The following ABCA8 variants were observed in gnomAD, a reference collection of about 807,000 sequenced individuals.
ABCA8 encodes the protein ABC-type organic anion transporter ABCA8.
In ABCA8, 177 loss-of-function variants were observed where a neutral mutation model predicts 192.3. That is an observed-to-expected ratio of 0.92 (90% CI 0.81 to 1.04). The LOEUF (loss-of-function observed/expected upper bound fraction) is 1.04. Ranked by LOEUF, ABCA8 falls within the 50% of genes least tolerant of loss-of-function variation. ABCA8 has a pLI of 0.00. For synonymous variants in ABCA8, 642 were observed against 690.2 expected, an observed-to-expected ratio of 0.93 and a Z score of 1.09; for missense variants, 1,915 against 1,904.8, an observed-to-expected ratio of 1.01 and a Z score of -0.10.
rs370406748 is a variant in ABCA8, at chr17:68,885,072, G to A, written c.3549+124C>T. ...TCTGGGAGAAAATCAATTGGATTCC[G>A]TCAGGCAGAAATCTTTGAACCCCAT... is the stretch of plus-strand genomic sequence containing the variant. On this transcript the variant is annotated intron_variant, in intron 27 of 39. Coordinates refer to ENST00000586539, the MANE Select transcript of ABCA8 (RefSeq NM_001288985.2). 1.7e-4 allele frequency: 208 copies of A among 1,215,814 alleles called. 1 individual carries two copies. The South Asian group carries it at 2.3e-3, about 13-fold the overall frequency. The allele number at this position is 1,215,814 out of a possible 1,614,324, so 75.3% of individuals were successfully genotyped here. A position where few individuals can be genotyped will look rare whatever the true frequency, so the allele number is the denominator to read the frequency against.
chr17:68,919,152 A>G lies in ABCA8; in HGVS notation c.1788+149T>C. The G allele has an allele frequency of 4.4e-6, 3 of 686,602 alleles. No individual in the cohort carries two copies. In the East Asian group the frequency reaches 8.2e-5, roughly 19 times the overall value. 42.5% of individuals were successfully genotyped at this position (686,602 alleles called of 1,614,324 possible). On this transcript the variant is annotated intron_variant, in intron 14 of 39. Coordinates refer to ENST00000586539, the MANE Select transcript of ABCA8 (RefSeq NM_001288985.2). ...ATATGCTTGGCGCATTGTAAATTAT[A>G]TGCAATGTTAGCTATTGTTTAAATT... is the stretch of plus-strand genomic sequence containing the variant.
Position 68,911,754 on chromosome 17 carries a change from C to CACACACAA in ABCA8, c.2139-3876_2139-3875insTTGTGTGT. On this transcript the variant is annotated intron_variant, in intron 17 of 39. Transcript: ENST00000586539. This position sits in a 1 kb window ranked among gnomAD's most constrained non-coding sequence, Gnocchi z 5.7. ...CTCAATACACACACACACACACACA[C>CACACACAA]ACACACACACACACACTCCATTTGG... Among the ~76,000 whole-genome samples, 1 of 151,942 alleles carries CACACACAA rather than the reference C, an allele frequency of 6.6e-6. No homozygotes were observed. The highest frequency in any genetic ancestry group is 2.1e-4 in the South Asian group (1 of 4,820).
At chr17:68,885,149 T>C (rs1374874953) in intron 27 of ABCA8, 47 bp downstream of exon 27, 100 of 1,565,758 alleles carry the variant, frequency 6.4e-5, no homozygotes, top group Non-Finnish European at 8.5e-5. Context: ...AGCTTCACAA[T>C]TGGTCATGAG....
rs1298414709 is a variant in ABCA8, at chr17:68,875,371, C to T, written c.4520G>A (p.Ser1507Asn). 6.2e-7 allele frequency: 1 copy of T among 1,613,746 alleles called. No homozygotes were observed. The highest frequency in any genetic ancestry group is 8.5e-7 in the Non-Finnish European group (1 of 1,179,990). Reference protein sequence around the residue: ...RCIGSIQHLKSKFGKDYLLEM... With the variant: ...RCIGSIQHLKNKFGKDYLLEM... The stretch of plus-strand genomic sequence containing the variant: ...CAGCAGGTAATCTTTGCCAAATTTG[C>T]TTTTCAGGTGTTGGATGGAACCGAT... Residue 1507 changes from serine (S) to asparagine (N), a missense_variant, in exon 37 of 40, where the codon AGC becomes AAC. Transcript: ENST00000586539.
At chr17:68,872,942 T>A (rs2066103427) in intron 37 of ABCA8, among the ~76,000 whole-genome samples, 2 of 152,216 alleles carry the variant, frequency 1.3e-5, no homozygotes, top group Non-Finnish European at 2.9e-5. Context: ...GTTAAAAAAA[T>A]TTTAGAAGTT....
rs2066514485 is a variant in ABCA8 at position 68,887,901 on chromosome 17, TATATATCCA to T, written c.3145-404_3145-396del. ...TCCTCCATATATATATATATATATA[TATATATCCA>T]TATATATATATATATTATATATGGA... On this transcript the variant is annotated intron_variant, in intron 24 of 39. Coordinates refer to ENST00000586539, the MANE Select transcript of ABCA8 (RefSeq NM_001288985.2). Among the ~76,000 whole-genome samples the T allele has an allele frequency of 5.3e-5, 3 of 56,212 alleles. 1 individual carries two copies. The highest frequency in any genetic ancestry group is 1.6e-3 in the East Asian group (2 of 1,266). The allele number at this position is 56,212 out of a possible 152,430, so 36.9% of individuals were successfully genotyped here.
In ABCA8 at chr17:68,902,721, T is replaced by C. The variant is rs142528131; in HGVS notation, c.2756A>G (p.Asn919Ser). The C allele has an allele frequency of 5.0e-6, 8 of 1,612,852 alleles. No individual in the cohort carries two copies. In the African/African-American group the frequency reaches 9.3e-5, roughly 19 times the overall value. Residue 919 changes from asparagine (N) to serine (S), a missense_variant, in exon 21 of 40, where the codon AAT becomes AGT. Coordinates refer to ENST00000586539, the MANE Select transcript of ABCA8 (RefSeq NM_001288985.2). ...HDPLTQLLII[N>S]KTGASIDDFI... Reference sequence around the variant, plus strand: ...AGTATCCACCATTTTACCTGTTTTATTGATGATCAGTAGTTGAGTGAGAGG... The same window carrying C: ...AGTATCCACCATTTTACCTGTTTTACTGATGATCAGTAGTTGAGTGAGAGG...
intron 28 of ABCA8, 151 bp downstream of exon 28, chr17:68,884,180 A>T (rs946648014): frequency 3.6e-6 from 3 of 825,320 alleles, no homozygotes; most frequent in Non-Finnish European, 3.5e-6. Context: ...TTGTAAAAAT[A>T]ATTCTTCCGG....
intron 5 of ABCA8, among the ~76,000 whole-genome samples, chr17:68,934,426 G>A (rs1247040813): frequency 6.6e-6 from 1 of 152,172 alleles, no homozygotes; most frequent in Non-Finnish European, 1.5e-5. Context: ...ATTTATCACA[G>A]TGAACGTGTA....
Position 68,876,718 on chromosome 17 carries a change from A to T in ABCA8, c.4200-15T>A. 6.2e-7 allele frequency: 1 copy of T among 1,614,090 alleles called. No homozygotes were observed. Among genetic ancestry groups the T allele is most frequent in the South Asian group, 1.1e-5 (1 of 91,084 alleles). On this transcript the variant is annotated splice_polypyrimidine_tract_variant and intron_variant, in intron 33 of 39. Transcript: ENST00000586539. The stretch of plus-strand genomic sequence containing the variant: ...CATCCACTAACCTGAAGGAAACAGG[A>T]GAGTCGTACAGTCTTCTTGACAAGA...
At chr17:68,933,101 C>G in intron 6 of ABCA8, 67 bp downstream of exon 6, 1 of 1,131,568 alleles carries the variant, frequency 8.8e-7, no homozygotes, top group South Asian at 1.3e-5. Context: ...TTCCATGAAA[C>G]TTTTGATGCC....
At chr17:68,923,703 A>G (rs187217891) in intron 11 of ABCA8, among the ~76,000 whole-genome samples, 2 of 152,332 alleles carry the variant, frequency 1.3e-5, no homozygotes, top group East Asian at 3.9e-4. Context: ...TATGGAAGAT[A>G]AATATGGAAC....
At chr17:68,940,526 G>C (rs1337971621) in intron 4 of ABCA8, among the ~76,000 whole-genome samples, 1 of 152,070 alleles carries the variant, frequency 6.6e-6, no homozygotes, top group African/African-American at 2.4e-5. Context: ...TTCTTTTTGA[G>C]AGACTGCGCA....
Position 68,894,300 on chromosome 17 carries a change from A to AAG in ABCA8, c.2907_2908dup (p.Phe970SerfsTer4). The AAG allele has an allele frequency of 6.2e-7, 1 of 1,607,890 alleles. No individual in the cohort carries two copies. The highest frequency in any genetic ancestry group is 8.5e-7 in the Non-Finnish European group (1 of 1,178,346). On this transcript the variant is annotated frameshift_variant, in exon 23 of 40. Coordinates refer to ENST00000586539, the MANE Select transcript of ABCA8 (RefSeq NM_001288985.2). LOFTEE classifies it high-confidence loss of function. Reference sequence around the variant, plus strand: ...TCTTTTGGCATTGCATGCTAACGAAAAGCTGTAATTCTAAAATATAACAAG... The same window carrying AAG: ...TCTTTTGGCATTGCATGCTAACGAAAAGAGCTGTAATTCTAAAATATAACAAG...
At position 68,887,058 on chromosome 17, in the gene ABCA8, C is replaced by T; in HGVS notation, c.3388G>A (p.Gly1130Arg). 1 of 1,612,414 alleles carries T rather than the reference C, an allele frequency of 6.2e-7. No homozygotes were observed. The highest frequency in any genetic ancestry group is 8.5e-7 in the Non-Finnish European group (1 of 1,179,160). ...GACCAAATGCCACTATTTTTTCTCC[C>T]CTTGCGAAAGATGAAGGAAATCACG... ...TYVISFIFRKGRKNSGIWSFC... is the reference protein window; with the variant it reads ...TYVISFIFRKRRKNSGIWSFC... The change falls in exon 26 of 40, where the codon GGG (glycine) becomes AGG (arginine). Residue 1130 changes from glycine (G) to arginine (R), a missense_variant. Gly to Arg is a moderately radical substitution (Grantham distance 125). Coordinates refer to ENST00000586539, the MANE Select transcript of ABCA8 (RefSeq NM_001288985.2).
rs1567830691 is a variant in ABCA8, at chr17:68,887,920, ATATAT to A, written c.3145-419_3145-415del. On this transcript the variant is annotated intron_variant, in intron 24 of 39. Coordinates refer to ENST00000586539, the MANE Select transcript of ABCA8 (RefSeq NM_001288985.2). Reference sequence around the variant, plus strand: ...TATATATATATATCCATATATATATATATATTATATATGGATATATATATTATATA... The same window carrying A: ...TATATATATATATCCATATATATATATATATATGGATATATATATTATATA... 1.8e-3 allele frequency among the ~76,000 whole-genome samples: 56 copies of A among 30,640 alleles called. 7 individuals are homozygous for A. Among genetic ancestry groups the A allele is most frequent in the East Asian group, 0.013 (3 of 238 alleles). The allele number at this position is 30,640 out of a possible 152,430, so 20.1% of individuals were successfully genotyped here.
intron 11 of ABCA8, 147 bp from the exon 12 acceptor site, chr17:68,922,447 T>A (rs1365571749): frequency 9.1e-6 from 5 of 547,714 alleles, no homozygotes; most frequent in Non-Finnish European, 1.5e-5. Context: ...TGTGACAGAA[T>A]CAGCTAGAAT....
intron 33 of ABCA8, chr17:68,877,164 G>A (rs144961540): frequency 1.7e-3 from 293 of 172,966 alleles, no homozygotes; most frequent in Admixed American, 3.7e-3. Flanking sequence ...CACCATGCCC[G>A]GCTAATTTTT....
At chr17:68,919,246 A>G in intron 14 of ABCA8, 55 bp downstream of exon 14, 1 of 1,451,586 alleles carries the variant, frequency 6.9e-7, no homozygotes, top group Admixed American at 2.1e-5. Context: ...CTCAGTGCAA[A>G]TGGTTTTAAT....
Sources: allele counts gnomAD v4.1 joint callset (sites outside exome capture counted in the v4.1 genomes callset), GRCh38; gene constraint gnomAD v4.1.1; non-coding constraint Gnocchi (gnomAD v3.1); transcripts MANE v1.5; gene names NCBI Gene and HGNC (gene_info 2026-07-23, HGNC 2026-07-21).